The following CRMP1 variants were observed in gnomAD, a reference collection of about 807,000 sequenced individuals.
CRMP1 encodes the protein dihydropyrimidinase-related protein 1.
In CRMP1, 19 loss-of-function variants were observed where a neutral mutation model predicts 68.3. The observed-to-expected ratio is 0.28, with a 90% CI of 0.19 to 0.41. The LOEUF (loss-of-function observed/expected upper bound fraction) is 0.41, where lower values mean the gene tolerates loss of function less well. CRMP1 is among the 10% of genes least tolerant of loss of function. The pLI, the probability that CRMP1 is intolerant of heterozygous loss-of-function variation, is 1.00. For synonymous variants in CRMP1, 439 were observed against 399.6 expected, an observed-to-expected ratio of 1.10 and a Z score of -1.18; for missense variants, 791 against 967.4, an observed-to-expected ratio of 0.82 and a Z score of 2.42.
chr4:5,838,927 C>T lies in CRMP1; in HGVS notation c.1310+595G>A, dbSNP rs573402290. Among the ~76,000 whole-genome samples, 1 of 152,340 alleles carries T rather than the reference C, an allele frequency of 6.6e-6. No individual in the cohort carries two copies. Among genetic ancestry groups the T allele is most frequent in the African/African-American group, 2.4e-5 (1 of 41,576 alleles). ...CATGCGTCTCTGCTTCCAGAGCGGC[C>T]TGGACACTTAGCCTCGCTGTGTGGC... On this transcript the variant is annotated intron_variant, in intron 9 of 13. Coordinates refer to ENST00000324989, the MANE Select transcript of CRMP1 (RefSeq NM_001014809.3). This position sits in a 1 kb window ranked among gnomAD's most constrained non-coding sequence, Gnocchi z 4.9.
rs1560504945 is a variant in CRMP1 at position 5,856,240 on chromosome 4, A to T, written c.723T>A (p.Ala241=). Residue 241 remains alanine (A), a synonymous_variant, in exon 4 of 14, where the codon GCT becomes GCA. Coordinates refer to ENST00000324989, the MANE Select transcript of CRMP1 (RefSeq NM_001014809.3). The part of the protein sequence containing the change: ...LTSFEKWHEA[A]DTKSCCDYSL... ...AGTAATCACAGCAGGATTTGGTGTCAGCTGCTTCGTGCCACTTCTCGAAAG... is the reference window on the plus strand; with the variant it reads ...AGTAATCACAGCAGGATTTGGTGTCTGCTGCTTCGTGCCACTTCTCGAAAG... 6.2e-7 allele frequency: 1 copy of T among 1,614,050 alleles called. No individual in the cohort carries two copies. The highest frequency in any genetic ancestry group is 1.1e-5 in the South Asian group (1 of 91,080).
chr4:5,827,584 A>T (rs1010467498), intron 12 of CRMP1, among the ~76,000 whole-genome samples: 1 of 152,118 alleles, frequency 6.6e-6, no homozygotes, highest in Non-Finnish European at 1.5e-5. Flanking sequence ...ATGGCCACAC[A>T]CACAGAGCTC....
chr4:5,822,037 C>T (rs1009587000), intron 13 of CRMP1, among the ~76,000 whole-genome samples, 186 bp from the exon 14 acceptor site: 10 of 152,372 alleles, frequency 6.6e-5, no homozygotes, highest in African/African-American at 2.4e-4. Context: ...CTGTGCCCCT[C>T]AGTCCCTGGG....
chr4:5,847,533 C>A (rs1228439288), intron 6 of CRMP1, among the ~76,000 whole-genome samples: 2 of 152,146 alleles, frequency 1.3e-5, no homozygotes, highest in Non-Finnish European at 2.9e-5. Flanking sequence ...TAGCAATGAA[C>A]AGAATACTCT....
At chr4:5,857,087 TTA>T (rs1713175354) in intron 3 of CRMP1, among the ~76,000 whole-genome samples, 1 of 118,330 alleles carries the variant, frequency 8.5e-6, no homozygotes, top group African/African-American at 3.2e-5. Context: ...ACCACCACCA[TTA>T]TCACTAACAT....
chr4:5,830,790 C>T (rs1720318400), intron 11 of CRMP1, among the ~76,000 whole-genome samples: 1 of 152,192 alleles, frequency 6.6e-6, no homozygotes, highest in Non-Finnish European at 1.5e-5. Flanking sequence ...CAGCTACTCT[C>T]ACATTTCTCA....
chr4:5,843,498 T>C lies in CRMP1; in HGVS notation c.964-337A>G, dbSNP rs1560497042. On this transcript the variant is annotated intron_variant, in intron 6 of 13. Transcript: ENST00000324989. This position sits in a 1 kb window ranked among gnomAD's most constrained non-coding sequence, Gnocchi z 4.1. ...GGAGTCTCCCTGCAGGCCTCTCCTC[T>C]GGGAAGAAACGTGGTGTTTGGGTAC... is the stretch of plus-strand genomic sequence containing the variant. Among the ~76,000 whole-genome samples, 1 of 152,130 alleles carries C rather than the reference T, an allele frequency of 6.6e-6. No individual in the cohort carries two copies. The highest frequency in any genetic ancestry group is 2.4e-5 in the African/African-American group (1 of 41,424).
At chr4:5,837,670 A>AAAT (rs1720816414) in intron 9 of CRMP1, among the ~76,000 whole-genome samples, 1 of 109,290 alleles carries the variant, frequency 9.1e-6, no homozygotes, top group African/African-American at 4.6e-5. Flanking sequence ...AAATAAAATA[A>AAAT]AATAAAATAA....
At chr4:5,845,901 G>A (rs1712159894) in intron 6 of CRMP1, among the ~76,000 whole-genome samples, 1 of 152,126 alleles carries the variant, frequency 6.6e-6, no homozygotes, top group Admixed American at 6.5e-5. Context: ...GTCTTGCGAA[G>A]AAACCAAGGA....
Position 5,860,165 on chromosome 4 carries a change from A to G in CRMP1, c.655+861T>C, listed in dbSNP as rs1713429874. On this transcript the variant is annotated intron_variant, in intron 3 of 13. Transcript: ENST00000324989. The surrounding 1 kb of genome is among the most constrained non-coding windows in gnomAD (Gnocchi z 4.2). The stretch of plus-strand genomic sequence containing the variant: ...TCTGTGGCACAGTGTGCTCCTGTCA[A>G]CTTTGGGCTCGGCCACATGACTGAC... 6.6e-6 allele frequency among the ~76,000 whole-genome samples: 1 copy of G among 152,046 alleles called. No individual in the cohort carries two copies. Among genetic ancestry groups the G allele is most frequent in the Non-Finnish European group, 1.5e-5 (1 of 68,024 alleles).
In CRMP1 at chr4:5,821,960, C is replaced by G. The variant is rs745768012; in HGVS notation, c.1970-109G>C. The G allele has an allele frequency of 1.2e-6, 1 of 852,194 alleles. No individual in the cohort carries two copies. Among genetic ancestry groups the G allele is most frequent in the Non-Finnish European group, 1.7e-6 (1 of 590,620 alleles). The allele number at this position is 852,194 out of a possible 1,614,324, so 52.8% of individuals were successfully genotyped here. A position where few individuals can be genotyped will look rare whatever the true frequency, so the allele number is the denominator to read the frequency against. ...GCACTCCACTGGACCCACCTTCATT[C>G]AGGGCTCAGTCCAGGACCAGCCATG... is the stretch of plus-strand genomic sequence containing the variant. On this transcript the variant is annotated intron_variant, in intron 13 of 13. Coordinates refer to ENST00000324989, the MANE Select transcript of CRMP1 (RefSeq NM_001014809.3). This position sits in a 1 kb window ranked among gnomAD's most constrained non-coding sequence, Gnocchi z 4.4.
intron 9 of CRMP1, among the ~76,000 whole-genome samples, chr4:5,837,806 G>A (rs1720831300): frequency 6.6e-6 from 1 of 152,158 alleles, no homozygotes; most frequent in Non-Finnish European, 1.5e-5. Context: ...AGATGCAGAG[G>A]AGTATATTTA....
chr4:5,823,425 C>T (rs1445881195), intron 13 of CRMP1, among the ~76,000 whole-genome samples: 1 of 152,216 alleles, frequency 6.6e-6, no homozygotes, highest in Non-Finnish European at 1.5e-5. Context: ...CATGTCTGTA[C>T]TTTGAAAATA....
At chr4:5,844,325 T>A (rs548824366) in intron 6 of CRMP1, among the ~76,000 whole-genome samples, 2 of 138,526 alleles carry the variant, frequency 1.4e-5, no homozygotes, top group East Asian at 4.1e-4. Context: ...TCAGTTACTA[T>A]TCTGGAAGGA....
rs778431451 is a variant in CRMP1, at chr4:5,870,544, G to T, written c.382-3788C>A. Among the ~76,000 whole-genome samples the T allele has an allele frequency of 5.3e-5, 8 of 152,326 alleles. No individual in the cohort carries two copies. Among genetic ancestry groups the T allele is most frequent in the Middle Eastern group, 3.4e-3 (1 of 294 alleles). ...CGTTTTCTTCACTGCTGTCTCTCCG[G>T]CATCTTGGACACAGCCTGGCTGGCT... is the stretch of plus-strand genomic sequence containing the variant. On this transcript the variant is annotated intron_variant, in intron 1 of 13. Coordinates refer to ENST00000324989, the MANE Select transcript of CRMP1 (RefSeq NM_001014809.3). The surrounding 1 kb of genome is among the most constrained non-coding windows in gnomAD (Gnocchi z 6.0).
At chr4:5,884,495 C>CACACACACACACAT (rs1715436444) in intron 1 of CRMP1, among the ~76,000 whole-genome samples, 1 of 151,550 alleles carries the variant, frequency 6.6e-6, no homozygotes, top group South Asian at 2.1e-4. Flanking sequence ...CACACACACA[C>CACACACACACACAT]GGGCAGTGGT....
chr4:5,825,609 G>C lies in CRMP1; in HGVS notation c.1854C>G (p.Tyr618Ter). Residue 618 changes from tyrosine (Y) to a stop codon, truncating the protein, a stop_gained, in exon 13 of 14, where the codon TAC becomes TAG. Coordinates refer to ENST00000324989, the MANE Select transcript of CRMP1 (RefSeq NM_001014809.3). LOFTEE classifies it high-confidence loss of function. This position sits in a 1 kb window ranked among gnomAD's most constrained non-coding sequence, Gnocchi z 4.4. ...CATATTTGGGTGTAGCTGGTACCTCGTACACAGGACCGTCATACATGCCCC... is the reference window on the plus strand; with the variant it reads ...CATATTTGGGTGTAGCTGGTACCTCCTACACAGGACCGTCATACATGCCCC... ...VSRGMYDGPV[Y>*]EVPATPKYAT... The C allele has an allele frequency of 6.2e-7, 1 of 1,605,530 alleles. No individual in the cohort carries two copies. The highest frequency in any genetic ancestry group is 8.5e-7 in the Non-Finnish European group (1 of 1,177,308).
Position 5,892,489 on chromosome 4 carries a change from C to T in CRMP1, c.381+100G>A, listed in dbSNP as rs150654418. 9.1e-7 allele frequency: 1 copy of T among 1,097,740 alleles called. No homozygotes were observed. Among genetic ancestry groups the T allele is most frequent in the Non-Finnish European group, 1.1e-6 (1 of 893,164 alleles). The allele number at this position is 1,097,740 out of a possible 1,614,324, so 68.0% of individuals were successfully genotyped here. ...GCTCTCCCCAGCCTGGCGGCCGCTG[C>T]CCCAACACCGGGGCCCGGGCATGGC... is the stretch of plus-strand genomic sequence containing the variant. On this transcript the variant is annotated intron_variant, in intron 1 of 13. Transcript: ENST00000324989. This position sits in a 1 kb window ranked among gnomAD's most constrained non-coding sequence, Gnocchi z 8.6.
At chr4:5,824,822 T>C in intron 13 of CRMP1, 3 of 985,384 alleles carry the variant, frequency 3.0e-6, no homozygotes, top group Non-Finnish European at 3.6e-6. Context: ...CCAGTTCAAC[T>C]TTCTCAACGT....
Sources: allele counts gnomAD v4.1 joint callset (sites outside exome capture counted in the v4.1 genomes callset), GRCh38; gene constraint gnomAD v4.1.1; non-coding constraint Gnocchi (gnomAD v3.1); transcripts MANE v1.5; gene names NCBI Gene and HGNC (gene_info 2026-07-23, HGNC 2026-07-21).